The following ABCA13 variants were observed in gnomAD, a reference collection of about 807,000 sequenced individuals.
ABCA13 encodes ATP-binding cassette sub-family A member 13.
In ABCA13, 476 loss-of-function variants were observed where a neutral mutation model predicts 478.7. The ratio of observed to expected loss-of-function variants is 0.99; its 90% CI spans 0.92 to 1.07. The LOEUF is 1.07. ABCA13 is among the 50% of genes least tolerant of loss of function. The pLI, the probability that ABCA13 is intolerant of heterozygous loss-of-function variation, is 0.00. For synonymous variants in ABCA13, 2,252 were observed against 2,158.9 expected (o/e 1.04, Z -1.20); for missense variants, 6,060 against 5,910.6 (o/e 1.03, Z -0.83).
At chr7:48,372,580 A>G in intron 33 of ABCA13, 83 bp downstream of exon 33, 2 of 1,153,946 alleles carry the variant, frequency 1.7e-6, no homozygotes, top group Non-Finnish European at 2.4e-6. Flanking sequence ...CACCACTCTC[A>G]CTTTTTCAAT....
At chr7:48,199,502 C>T (rs1268396644) in intron 3 of ABCA13, among the ~76,000 whole-genome samples, 1 of 152,158 alleles carries the variant, frequency 6.6e-6, no homozygotes, top group Non-Finnish European at 1.5e-5. Flanking sequence ...AAGGCTCTGT[C>T]CTCACGATCC....
chr7:48,408,647 T>G (rs1177716303), intron 39 of ABCA13, among the ~76,000 whole-genome samples: 1 of 152,268 alleles, frequency 6.6e-6, no homozygotes, highest in Admixed American at 6.5e-5. Flanking sequence ...ACTTGCATTT[T>G]GTTTTTAATT....
At chr7:48,248,505 C>T in intron 14 of ABCA13, 61 bp downstream of exon 14, 5 of 1,305,352 alleles carry the variant, frequency 3.8e-6, no homozygotes, top group Non-Finnish European at 5.2e-6. Context: ...ATTTCAACTG[C>T]CCCTTCTACA....
chr7:48,607,384 A>G (rs1296179869), intron 58 of ABCA13, among the ~76,000 whole-genome samples: 2 of 150,944 alleles, frequency 1.3e-5, no homozygotes, highest in Admixed American at 6.6e-5. Context: ...CCACTGTCCA[A>G]CCAGTCTCAA....
At chr7:48,362,440 G>GT (rs1486926398) in intron 31 of ABCA13, among the ~76,000 whole-genome samples, 1 of 66,808 alleles carries the variant, frequency 1.5e-5, no homozygotes, top group African/African-American at 6.0e-5. Context: ...GCCTTTTGGT[G>GT]TTTCTATTTG....
At chr7:48,592,342 T>G (rs2131422927) in intron 57 of ABCA13, among the ~76,000 whole-genome samples, 1 of 152,144 alleles carries the variant, frequency 6.6e-6, no homozygotes, top group Admixed American at 6.5e-5. Flanking sequence ...GACCCATTGG[T>G]TGTTCAGGAA....
chr7:48,201,883 T>C (rs2128920741), intron 3 of ABCA13, among the ~76,000 whole-genome samples: 1 of 152,260 alleles, frequency 6.6e-6, no homozygotes, highest in South Asian at 2.1e-4. Context: ...TTCCTTCTGA[T>C]GTTCGGACGT....
rs560336938 is a variant in ABCA13, at chr7:48,478,346, G to A, written c.12976-2690G>A. ...ACCCATTATGGAAAGGCTAAATCCA[G>A]CTTTTTAATATATGCATTACCTCAT... On this transcript the variant is annotated intron_variant, in intron 45 of 61. Transcript: ENST00000435803. Among the ~76,000 whole-genome samples, 141 of 148,264 alleles carry A rather than the reference G, an allele frequency of 9.5e-4. 1 individual carries two copies. The highest frequency in any genetic ancestry group is 3.4e-3 in the African/African-American group (136 of 40,426).
At chr7:48,296,405 TTAAA>T (rs1799375577) in intron 21 of ABCA13, among the ~76,000 whole-genome samples, 1 of 152,066 alleles carries the variant, frequency 6.6e-6, no homozygotes, top group South Asian at 2.1e-4. Context: ...GTCTCATAAA[TTAAA>T]TAAATAAATG....
chr7:48,398,658 T>C (rs531898660), intron 38 of ABCA13, among the ~76,000 whole-genome samples: 5 of 152,336 alleles, frequency 3.3e-5, no homozygotes, highest in African/African-American at 1.2e-4. Context: ...AGAGGAACTT[T>C]GTTAGACCTT....
intron 23 of ABCA13, 45 bp from the exon 24 acceptor site, chr7:48,309,902 G>A: frequency 6.2e-7 from 1 of 1,602,722 alleles, no homozygotes; most frequent in Non-Finnish European, 8.5e-7. Context: ...TGAAGCACAT[G>A]ACGTCATAGG....
intron 38 of ABCA13, among the ~76,000 whole-genome samples, chr7:48,395,021 G>A (rs1450814990): frequency 1.3e-5 from 2 of 152,212 alleles, no homozygotes; most frequent in Non-Finnish European, 1.5e-5. Context: ...GTTGACTGCA[G>A]TGGGTGGGCT....
In ABCA13 at chr7:48,411,050, T is replaced by TCC. The variant is rs369120669; in HGVS notation, c.12228+373_12228+374insCC. ...TTCTTTCTTTCTTTCTTTCTTTCTT[T>TCC]TTCTTTCTTTCTTTCTTTCTTTTTC... is the stretch of plus-strand genomic sequence containing the variant. On this transcript the variant is annotated intron_variant, in intron 40 of 61. Coordinates refer to ENST00000435803, the MANE Select transcript of ABCA13 (RefSeq NM_152701.5). 7.0e-3 allele frequency among the ~76,000 whole-genome samples: 435 copies of TCC among 62,038 alleles called. 2 individuals are homozygous for TCC. Among genetic ancestry groups the TCC allele is most frequent in the East Asian group, 0.016 (28 of 1,774 alleles). 40.7% of individuals were successfully genotyped at this position (62,038 alleles called of 152,430 possible). A position where few individuals can be genotyped will look rare whatever the true frequency, so the allele number is the denominator to read the frequency against.
intron 5 of ABCA13, among the ~76,000 whole-genome samples, chr7:48,225,108 C>T (rs902238045): frequency 8.6e-5 from 11 of 128,494 alleles, no homozygotes; most frequent in South Asian, 2.4e-4. Context: ...ACCATGCGTG[C>T]GTGCCTGCCT....
chr7:48,506,261 C>T (rs369472776), intron 48 of ABCA13, 75 bp from the exon 49 acceptor site: 91 of 1,479,856 alleles, frequency 6.1e-5, no homozygotes, highest in African/African-American at 1.4e-4. Context: ...AGGGAATCTG[C>T]GTAGCCTGTA....
chr7:48,602,085 G>A (rs1790952292), intron 58 of ABCA13, among the ~76,000 whole-genome samples: 1 of 151,796 alleles, frequency 6.6e-6, no homozygotes, highest in Non-Finnish European at 1.5e-5. Flanking sequence ...TTTTTTTCTT[G>A]TAAATTTGTT....
Position 48,520,065 on chromosome 7 carries a change from C to T in ABCA13, c.13822C>T (p.Leu4608Phe). 1 of 1,612,656 alleles carries T rather than the reference C, an allele frequency of 6.2e-7. No individual in the cohort carries two copies. The highest frequency in any genetic ancestry group is 2.2e-5 in the East Asian group (1 of 44,750). ...AKNLQNIYDV[L>F]KWVFTIFPQF... ...GAATTTACAGAATATCTATGATGTC[C>T]TCAAGTGGGTCTTTACTATTTTTCC... The change falls in exon 53 of 62, where the codon CTC becomes TTC. Residue 4608 changes from leucine (L) to phenylalanine (F), a missense_variant. Around this residue, in one of 3 missense-constraint regions of ABCA13, gnomAD observed 1,627 missense variants for 1,571.0 expected, o/e 1.04. Transcript: ENST00000435803.
At chr7:48,206,110 A>AT (rs1784890197) in intron 3 of ABCA13, among the ~76,000 whole-genome samples, 1 of 152,142 alleles carries the variant, frequency 6.6e-6, no homozygotes. Context: ...TCTAAATTTT[A>AT]TATAAAGGAT....
chr7:48,571,626 C>T (rs542914497), intron 55 of ABCA13, among the ~76,000 whole-genome samples: 1 of 152,222 alleles, frequency 6.6e-6, no homozygotes, highest in East Asian at 1.9e-4. Flanking sequence ...TCATTGCCAT[C>T]ATGATTCTCC....
Sources: gnomAD v4.1 joint callset for allele counts (sites outside exome capture counted in the v4.1 genomes callset) on GRCh38, gnomAD v4.1.1 for gene constraint, gnomAD v4.1.1 regional missense constraint, MANE v1.5 for transcripts, NCBI Gene and HGNC (gene_info 2026-07-23, HGNC 2026-07-21) for gene names.